ANO6: variants seen among roughly 807,000 people sequenced by gnomAD.
The protein encoded by ANO6 is anoctamin 6.
ANO6 carries 106 observed loss-of-function variants against 117.5 expected under a neutral mutation model. The ratio of observed to expected loss-of-function variants is 0.90; its 90% CI spans 0.77 to 1.06. The LOEUF (loss-of-function observed/expected upper bound fraction) is 1.06, where lower values mean the gene tolerates loss of function less well. Among genes scored for constraint, ANO6 ranks in the 50% least tolerant of loss-of-function variants. The pLI is 0.00. For synonymous variants in ANO6, 367 were observed against 385.1 expected (o/e 0.95, Z 0.55); for missense variants, 955 against 1,121.1 (o/e 0.85, Z 2.12).
intron 1 of ANO6, among the ~76,000 whole-genome samples, chr12:45,244,121 AT>A (rs1947786376): frequency 6.6e-6 from 1 of 152,164 alleles, no homozygotes; most frequent in African/African-American, 2.4e-5. Context: ...CTAAAATCAT[AT>A]TTGACTTCTG....
At position 45,239,875 on chromosome 12, in the gene ANO6, A is replaced by G. The variant is rs906895000; in HGVS notation, c.70+23484A>G. Among the ~76,000 whole-genome samples the G allele has an allele frequency of 7.9e-5, 12 of 152,232 alleles. 1 individual carries two copies. The highest frequency in any genetic ancestry group is 2.0e-4 in the Admixed American group (3 of 15,284). On this transcript the variant is annotated intron_variant, in intron 1 of 19. Transcript: ENST00000320560. ...TCCTGAGTTCTAATTTGATTGCACTATGGTCTGAGAGACAGTTTGTTGTGA... is the reference window on the plus strand; with the variant it reads ...TCCTGAGTTCTAATTTGATTGCACTGTGGTCTGAGAGACAGTTTGTTGTGA...
chr12:45,242,605 A>T (rs1341112953), intron 1 of ANO6, among the ~76,000 whole-genome samples: 2 of 152,178 alleles, frequency 1.3e-5, no homozygotes, highest in Non-Finnish European at 2.9e-5. Context: ...TCCCAATGAG[A>T]TGAACCAGGT....
intron 19 of ANO6, among the ~76,000 whole-genome samples, chr12:45,425,350 A>G (rs1213565763): frequency 6.6e-6 from 1 of 152,234 alleles, no homozygotes; most frequent in African/African-American, 2.4e-5. Flanking sequence ...AACTTAAAGA[A>G]GCTGAACATG....
chr12:45,317,583 C>T (rs1201881556), intron 2 of ANO6, among the ~76,000 whole-genome samples: 5 of 151,824 alleles, frequency 3.3e-5, no homozygotes, highest in South Asian at 4.2e-4. Flanking sequence ...AATAAACATA[C>T]GTGTGCATGT....
chr12:45,388,902 C>T (rs771996502), intron 11 of ANO6, among the ~76,000 whole-genome samples: 47 of 152,292 alleles, frequency 3.1e-4, no homozygotes, highest in South Asian at 6.2e-4. Flanking sequence ...GCTGCTGCTA[C>T]CACTACTCCA....
chr12:45,385,506 T>G (rs1306758805), intron 10 of ANO6, among the ~76,000 whole-genome samples: 1 of 152,188 alleles, frequency 6.6e-6, no homozygotes, highest in East Asian at 1.9e-4. Context: ...TATGTTATGC[T>G]GCTTCATATG....
chr12:45,402,477 T>C (rs1942817508), intron 13 of ANO6, among the ~76,000 whole-genome samples: 1 of 152,210 alleles, frequency 6.6e-6, no homozygotes, highest in African/African-American at 2.4e-5. Flanking sequence ...ATGTGTTTCT[T>C]CTCTCTGGCT....
intron 2 of ANO6, among the ~76,000 whole-genome samples, chr12:45,315,448 C>T (rs114990141): frequency 0.011 from 1,615 of 151,942 alleles, 28 homozygotes; most frequent in African/African-American, 0.035. Context: ...GAGGGAGAAG[C>T]GAATCAAAGA....
At chr12:45,339,531 A>C (rs1940919854) in intron 3 of ANO6, among the ~76,000 whole-genome samples, 1 of 152,148 alleles carries the variant, frequency 6.6e-6, no homozygotes, top group Non-Finnish European at 1.5e-5. Context: ...AGTGAACTTC[A>C]GCTAAATATT....
At chr12:45,440,019 G>A in exon 20 of ANO6, 1 of 1,313,280 alleles carries the variant, frequency 7.6e-7, no homozygotes, top group East Asian at 2.7e-5. Context: ...AGATAGAGTA[G>A]CATTGTTTGG....
At chr12:45,272,034 A>C (rs1323350174) in intron 1 of ANO6, among the ~76,000 whole-genome samples, 1 of 152,224 alleles carries the variant, frequency 6.6e-6, no homozygotes, top group Non-Finnish European at 1.5e-5. Flanking sequence ...AAATCTTCCT[A>C]AAACAAATAT....
chr12:45,432,015 G>C lies in ANO6; in HGVS notation c.*2704G>C. On this transcript the variant is annotated 3_prime_UTR_variant, in exon 20 of 20. Coordinates refer to ENST00000320560, the MANE Select transcript of ANO6 (RefSeq NM_001025356.3). ...ACTAAACAAGGCCATCTTATAAACT[G>C]TCACCAAAGTCTTCCCTTTTTTATT... is the stretch of plus-strand genomic sequence containing the variant. 1.0e-6 allele frequency: 1 copy of C among 985,306 alleles called. No homozygotes were observed. Among genetic ancestry groups the C allele is most frequent in the Non-Finnish European group, 1.2e-6 (1 of 829,858 alleles). The allele number at this position is 985,306 out of a possible 1,614,324, so 61.0% of individuals were successfully genotyped here.
Position 45,230,746 on chromosome 12 carries a change from G to A in ANO6, c.70+14355G>A, listed in dbSNP as rs369192526. 2.2e-4 allele frequency among the ~76,000 whole-genome samples: 33 copies of A among 152,260 alleles called. No individual in the cohort carries two copies. The East Asian group carries it at 6.0e-3, about 28-fold the overall frequency. ...AATTTAGCAAATTTAAGATTTTAAA[G>A]TGTCTTGTATTAAGGTCTAAAAAGT... On this transcript the variant is annotated intron_variant, in intron 1 of 19. Coordinates refer to ENST00000320560, the MANE Select transcript of ANO6 (RefSeq NM_001025356.3).
chr12:45,273,971 A>G (rs988346676), intron 1 of ANO6, among the ~76,000 whole-genome samples: 3 of 152,218 alleles, frequency 2.0e-5, no homozygotes, highest in African/African-American at 7.2e-5. Context: ...TCTCAGCAGC[A>G]CGGGGCACAA....
intron 2 of ANO6, among the ~76,000 whole-genome samples, chr12:45,324,512 C>G (rs1380579914): frequency 6.6e-6 from 1 of 152,006 alleles, no homozygotes; most frequent in East Asian, 1.9e-4. Context: ...AGATTATGGC[C>G]CAGGGGTACA....
chr12:45,427,831 C>T (rs1281695903), intron 19 of ANO6, among the ~76,000 whole-genome samples: 1 of 148,218 alleles, frequency 6.7e-6, no homozygotes, highest in Non-Finnish European at 1.5e-5. Context: ...TCCAGCTACT[C>T]AGGTGGCTGA....
At chr12:45,220,010 G>T (rs1441336073) in intron 1 of ANO6, among the ~76,000 whole-genome samples, 2 of 152,118 alleles carry the variant, frequency 1.3e-5, no homozygotes, top group African/African-American at 4.8e-5. Flanking sequence ...GCTGCTTTTC[G>T]CCCCCTCATC....
At chr12:45,348,000 G>T in intron 4 of ANO6, 28 bp from the exon 5 acceptor site, 1 of 1,607,532 alleles carries the variant, frequency 6.2e-7, no homozygotes, top group South Asian at 1.1e-5. Flanking sequence ...TTGGTTTCTT[G>T]TTCTGCGTTT....
chr12:45,358,928 G>T (rs1941481941), intron 8 of ANO6, among the ~76,000 whole-genome samples: 1 of 151,944 alleles, frequency 6.6e-6, no homozygotes, highest in South Asian at 2.1e-4. Context: ...GGGATTACAG[G>T]CTGCGCCACC....
Sources: gnomAD v4.1 joint callset for allele counts (sites outside exome capture counted in the v4.1 genomes callset) on GRCh38, gnomAD v4.1.1 for gene constraint, MANE v1.5 for transcripts, NCBI Gene and HGNC (gene_info 2026-07-23, HGNC 2026-07-21) for gene names.